TCF4: variants seen among roughly 807,000 people sequenced by gnomAD.
TCF4 encodes SL3-3 enhancer factor 2.
In TCF4, 3 loss-of-function variants were observed where a neutral mutation model predicts 82.1. That is an observed-to-expected ratio of 0.04 (90% CI 0.02 to 0.09). The LOEUF (loss-of-function observed/expected upper bound fraction) is 0.09, where lower values mean the gene tolerates loss of function less well. TCF4 is among the 10% of genes least tolerant of loss of function. TCF4 has a pLI of 1.00. For synonymous variants in TCF4, 276 were observed against 309.6 expected (o/e 0.89, Z 1.14); for missense variants, 518 against 852.7 (o/e 0.61, Z 4.89).
At chr18:55,493,729 C>T (rs763513638) in intron 3 of TCF4, among the ~76,000 whole-genome samples, 28 of 152,084 alleles carry the variant, frequency 1.8e-4, no homozygotes, top group Non-Finnish European at 3.7e-4. Context: ...ACACAAAATA[C>T]ATATCCCAAG....
chr18:55,588,055 G>A lies in TCF4; in HGVS notation c.-38C>T. 2.0e-6 allele frequency: 2 copies of A among 985,730 alleles called. No homozygotes were observed. Among genetic ancestry groups the A allele is most frequent in the Non-Finnish European group, 2.4e-6 (2 of 831,170 alleles). 61.1% of individuals were successfully genotyped at this position (985,730 alleles called of 1,614,324 possible). On this transcript the variant is annotated 5_prime_UTR_variant, in exon 1 of 20. Transcript: ENST00000354452. Reference sequence around the variant, plus strand: ...GTACCTACCGCCCGCGCGCGAGAAGGGGCTCTCCGTGCACCGCCGGCGCCG... The same window carrying A: ...GTACCTACCGCCCGCGCGCGAGAAGAGGCTCTCCGTGCACCGCCGGCGCCG...
chr18:55,534,128 T>G (rs1431469908), intron 3 of TCF4, among the ~76,000 whole-genome samples: 4 of 152,210 alleles, frequency 2.6e-5, no homozygotes, highest in Non-Finnish European at 5.9e-5. Flanking sequence ...TTACAAAATA[T>G]TTTTGATAAT....
intron 2 of TCF4, among the ~76,000 whole-genome samples, chr18:55,613,384 G>A (rs1328128276): frequency 6.6e-6 from 1 of 151,800 alleles, no homozygotes; most frequent in Non-Finnish European, 1.5e-5. Context: ...TATATTTTTT[G>A]TTTTATTCTT....
chr18:55,490,199 G>A (rs2096561427), intron 3 of TCF4, among the ~76,000 whole-genome samples: 1 of 152,160 alleles, frequency 6.6e-6, no homozygotes, highest in Non-Finnish European at 1.5e-5. Context: ...ATCAAAGCCA[G>A]TCAAAATGGG....
chr18:55,518,993 C>G (rs953312175), intron 3 of TCF4: 1 of 152,178 alleles, frequency 6.6e-6, no homozygotes, highest in Admixed American at 6.5e-5. Flanking sequence ...AGACTATTAT[C>G]TGAATGTCAC....
intron 3 of TCF4, among the ~76,000 whole-genome samples, chr18:55,577,203 TATTTATATAA>T (rs998858140): frequency 1.4e-4 from 4 of 27,698 alleles, no homozygotes; most frequent in Non-Finnish European, 2.4e-4. Context: ...TACATTTATA[TATTTATATAA>T]ATGTATATAT....
At chr18:55,464,165 CTTTCTTGCAGTAATT>C in intron 3 of TCF4, 28 bp from the exon 4 acceptor site, 1 of 1,607,638 alleles carries the variant, frequency 6.2e-7, no homozygotes, top group Non-Finnish European at 8.5e-7. Flanking sequence ...GTTCTTTAGG[CTTTCTTGCAGTAATT>C]TTTTCTTTTT....
At chr18:55,531,953 A>G (rs1162939006) in intron 3 of TCF4, among the ~76,000 whole-genome samples, 1 of 152,220 alleles carries the variant, frequency 6.6e-6, no homozygotes, top group African/African-American at 2.4e-5. Flanking sequence ...CTTAAATACA[A>G]AAATAGCTGT....
Position 55,506,861 on chromosome 18 carries a change from T to C in TCF4, c.146-42724A>G, listed in dbSNP as rs1445581311. On this transcript the variant is annotated intron_variant, in intron 3 of 19. Coordinates refer to ENST00000354452, the MANE Select transcript of TCF4 (RefSeq NM_001083962.2). ...AACCTCAGCATATGATCTTTCTTTT[T>C]TTTTTCTTTTTTTTTTTTTGAGATG... Among the ~76,000 whole-genome samples the C allele has an allele frequency of 2.0e-5, 3 of 152,000 alleles. No homozygotes were observed. In the East Asian group the frequency reaches 5.8e-4, roughly 29 times the overall value.
chr18:55,425,620 C>T (rs2094946863), intron 5 of TCF4, among the ~76,000 whole-genome samples: 1 of 151,948 alleles, frequency 6.6e-6, no homozygotes, highest in African/African-American at 2.4e-5. Flanking sequence ...ACAGACTCTA[C>T]ACATTTGCAT....
At chr18:55,468,415 A>G (rs1449139329) in intron 3 of TCF4, among the ~76,000 whole-genome samples, 2 of 152,224 alleles carry the variant, frequency 1.3e-5, no homozygotes, top group Non-Finnish European at 2.9e-5. Context: ...TAAGCCAGAC[A>G]GAAAATATCT....
intron 9 of TCF4, 87 bp from the exon 10 acceptor site, chr18:55,275,839 T>C (rs915853990): frequency 6.5e-7 from 1 of 1,529,068 alleles, no homozygotes; most frequent in African/African-American, 1.4e-5. Flanking sequence ...TGAAAATGAC[T>C]GCCTGTTGTG....
At chr18:55,297,147 G>GTTTTTTTTT (rs35268463) in intron 8 of TCF4, among the ~76,000 whole-genome samples, 1 of 64,250 alleles carries the variant, frequency 1.6e-5, no homozygotes, top group African/African-American at 6.9e-5. Flanking sequence ...TTTCTTTGAG[G>GTTTTTTTTT]TTTTTTTTTT....
intron 8 of TCF4, among the ~76,000 whole-genome samples, chr18:55,299,437 G>A (rs1380122398): frequency 5.3e-5 from 8 of 151,508 alleles, no homozygotes; most frequent in Non-Finnish European, 8.8e-5. Flanking sequence ...CTTTCTTGGG[G>A]GAGCATGTTT....
chr18:55,418,305 AT>A (rs1465393036), intron 5 of TCF4, among the ~76,000 whole-genome samples: 3 of 152,124 alleles, frequency 2.0e-5, no homozygotes, highest in African/African-American at 7.2e-5. Flanking sequence ...CTTTATAAGA[AT>A]GAGTCATTTT....
chr18:55,580,896 G>A (rs2097569670), intron 3 of TCF4, among the ~76,000 whole-genome samples: 2 of 151,852 alleles, frequency 1.3e-5, no homozygotes, highest in Non-Finnish European at 2.9e-5. Context: ...ATGAATACAG[G>A]ATAGTAGTAA....
intron 8 of TCF4, among the ~76,000 whole-genome samples, chr18:55,329,478 G>T (rs1016007942): frequency 1.3e-5 from 2 of 152,130 alleles, no homozygotes; most frequent in Non-Finnish European, 2.9e-5. Flanking sequence ...AAGAGATAAT[G>T]TGCAATTTTA....
At chr18:55,302,341 C>G in intron 8 of TCF4, 1 of 1,334,850 alleles carries the variant, frequency 7.5e-7, no homozygotes, top group Non-Finnish European at 1.0e-6. Context: ...CAAGTCAAAG[C>G]AGCACAGTGC....
chr18:55,611,947 T>G (rs2097707460), intron 2 of TCF4, among the ~76,000 whole-genome samples: 1 of 152,054 alleles, frequency 6.6e-6, no homozygotes, highest in Non-Finnish European at 1.5e-5. Flanking sequence ...TTTTTTGTAT[T>G]TTTAGTAGAG....
Sources: gnomAD v4.1 joint callset for allele counts (sites outside exome capture counted in the v4.1 genomes callset) on GRCh38, gnomAD v4.1.1 for gene constraint, MANE v1.5 for transcripts, NCBI Gene and HGNC (gene_info 2026-07-23, HGNC 2026-07-21) for gene names.